SND1: variants seen among roughly 807,000 people sequenced by gnomAD.
The protein encoded by SND1 is staphylococcal nuclease domain-containing protein 1.
In SND1, 38 loss-of-function variants were observed where a neutral mutation model predicts 121.7. The observed-to-expected ratio is 0.31, with a 90% confidence interval of 0.24 to 0.41. The LOEUF (loss-of-function observed/expected upper bound fraction) is 0.41, where lower values mean the gene tolerates loss of function less well. Among genes scored for constraint, SND1 ranks in the 10% least tolerant of loss-of-function variants. SND1 has a pLI of 1.00. For missense variants in SND1, 868 were observed against 1,184.6 expected (o/e 0.73, Z 3.92); for synonymous variants, 401 against 447.4 (o/e 0.90, Z 1.31).
intron 15 of SND1, among the ~76,000 whole-genome samples, chr7:127,976,235 C>G (rs1428530346): frequency 1.3e-5 from 2 of 152,248 alleles, no homozygotes; most frequent in Non-Finnish European, 2.9e-5. Flanking sequence ...CCCTGCCCCA[C>G]CCTTATTAGA....
At chr7:127,719,744 G>A (rs1796456945) in intron 9 of SND1, among the ~76,000 whole-genome samples, 1 of 152,068 alleles carries the variant, frequency 6.6e-6, no homozygotes, top group Admixed American at 6.6e-5. Flanking sequence ...TCTGATTGCT[G>A]GGCTGTTCTT....
chr7:127,720,225 GAAATT>G (rs1472608705), intron 9 of SND1, among the ~76,000 whole-genome samples: 1 of 152,222 alleles, frequency 6.6e-6, no homozygotes, highest in Non-Finnish European at 1.5e-5. Flanking sequence ...AAAGAGGAGG[GAAATT>G]TTGCCAGTCC....
rs1795825493 is a variant in SND1 at position 127,687,027 on chromosome 7, T to G, written c.228+265T>G. Reference sequence around the variant, plus strand: ...TGTTGTGTTTTCACTACTACTTTTCTTGGAATAGTTTAGGAACATTTCCTG... The same window carrying G: ...TGTTGTGTTTTCACTACTACTTTTCGTGGAATAGTTTAGGAACATTTCCTG... On this transcript the variant is annotated intron_variant, in intron 2 of 23. Transcript: ENST00000354725. 9 of 341,836 alleles carry G rather than the reference T, an allele frequency of 2.6e-5. No individual in the cohort carries two copies. The South Asian group carries it at 5.3e-4, about 20-fold the overall frequency. The allele number at this position is 341,836 out of a possible 1,614,324, so 21.2% of individuals were successfully genotyped here.
At chr7:127,701,083 T>C in intron 4 of SND1, 80 bp from the exon 5 acceptor site, 1 of 1,491,874 alleles carries the variant, frequency 6.7e-7, no homozygotes, top group Non-Finnish European at 9.2e-7. Context: ...GTGAAGATGC[T>C]GAAGAAAACC....
intron 9 of SND1, among the ~76,000 whole-genome samples, chr7:127,712,392 C>T (rs879374384): frequency 3.9e-5 from 6 of 152,146 alleles, no homozygotes; most frequent in Non-Finnish European, 8.8e-5. Context: ...CTCCTGGGCT[C>T]AAGTGATCCT....
Position 128,052,094 on chromosome 7 carries a change from C to T in SND1, c.1780-22408C>T, listed in dbSNP as rs1793056458. 6.6e-6 allele frequency among the ~76,000 whole-genome samples: 1 copy of T among 152,150 alleles called. No individual in the cohort carries two copies. Among genetic ancestry groups the T allele is most frequent in the South Asian group, 2.1e-4 (1 of 4,818 alleles). ...ACCGATATCAGAGGTGTAAGGATGA[C>T]ATTTGCTTTGGGGAGGAAGCATTGG... On this transcript the variant is annotated intron_variant, in intron 16 of 23. Transcript: ENST00000354725. This position sits in a 1 kb window ranked among gnomAD's most constrained non-coding sequence, Gnocchi z 4.6.
chr7:127,703,987 G>T (rs1237881050), intron 7 of SND1, among the ~76,000 whole-genome samples: 1 of 152,184 alleles, frequency 6.6e-6, no homozygotes. Context: ...GTAGATCAAT[G>T]ATGAGGAAAC....
At chr7:127,874,393 C>T (rs549014521) in intron 12 of SND1, among the ~76,000 whole-genome samples, 36 of 152,102 alleles carry the variant, frequency 2.4e-4, no homozygotes, top group Non-Finnish European at 4.7e-4. Flanking sequence ...TATGTAATGA[C>T]TGTTATCATT....
At chr7:128,033,761 C>T (rs981597459) in intron 16 of SND1, among the ~76,000 whole-genome samples, 1 of 152,168 alleles carries the variant, frequency 6.6e-6, no homozygotes, top group African/African-American at 2.4e-5. Flanking sequence ...ATGAGTCAAA[C>T]GTTGCCTAGG....
At position 127,898,361 on chromosome 7, in the gene SND1, G is replaced by A. The variant is rs550467061; in HGVS notation, c.1455-6386G>A. ...CTCAATCTTTTCTGTCTTTCTCATC[G>A]GTAATTCTCAATTACATTGAAAATG... On this transcript the variant is annotated intron_variant, in intron 13 of 23. Transcript: ENST00000354725. Among the ~76,000 whole-genome samples the A allele has an allele frequency of 1.4e-4, 21 of 151,978 alleles. 1 individual carries two copies. The South Asian group carries it at 4.2e-3, about 30-fold the overall frequency.
At chr7:127,921,368 T>A (rs546478746) in intron 14 of SND1, among the ~76,000 whole-genome samples, 11 of 152,298 alleles carry the variant, frequency 7.2e-5, no homozygotes, top group African/African-American at 2.6e-4. Context: ...TCTTTTTAAA[T>A]TTTTTAAGTA....
intron 16 of SND1, among the ~76,000 whole-genome samples, chr7:128,012,529 C>T (rs1738959153): frequency 6.6e-6 from 1 of 152,218 alleles, no homozygotes; most frequent in East Asian, 1.9e-4. Context: ...AGGACTGAAA[C>T]TTGTACCTCC....
chr7:127,803,630 A>T (rs773401242), intron 10 of SND1, among the ~76,000 whole-genome samples: 3 of 152,090 alleles, frequency 2.0e-5, no homozygotes, highest in Non-Finnish European at 2.9e-5. Context: ...TCCCAAGGTC[A>T]TTTAGTTTTG....
intron 10 of SND1, among the ~76,000 whole-genome samples, chr7:127,754,683 A>G (rs376105171): frequency 6.6e-6 from 1 of 152,358 alleles, no homozygotes; most frequent in East Asian, 1.9e-4. Flanking sequence ...CTACATGGCC[A>G]AGACCAGCAG....
intron 14 of SND1, among the ~76,000 whole-genome samples, chr7:127,909,251 C>T (rs1382918360): frequency 6.6e-6 from 1 of 152,054 alleles, no homozygotes; most frequent in East Asian, 1.9e-4. Context: ...ATTATGTAGT[C>T]CTGACAGCTC....
chr7:127,938,749 A>G (rs1232912554), intron 15 of SND1, among the ~76,000 whole-genome samples: 12 of 152,258 alleles, frequency 7.9e-5, no homozygotes, highest in Non-Finnish European at 8.8e-5. Context: ...CTCTCCGTCT[A>G]TGCAGGCACA....
intron 16 of SND1, among the ~76,000 whole-genome samples, chr7:128,002,689 C>G (rs1802865090): frequency 6.6e-6 from 1 of 152,218 alleles, no homozygotes; most frequent in Non-Finnish European, 1.5e-5. Context: ...GATGCAGGTC[C>G]TCTGTGACAT....
intron 16 of SND1, among the ~76,000 whole-genome samples, chr7:128,061,996 G>T (rs937274717): frequency 2.0e-5 from 3 of 152,262 alleles, no homozygotes; most frequent in Non-Finnish European, 4.4e-5. Context: ...TCCTTGCTGG[G>T]TTATAATAGG....
At chr7:128,011,881 A>T (rs1227734490) in intron 16 of SND1, among the ~76,000 whole-genome samples, 1 of 152,232 alleles carries the variant, frequency 6.6e-6, no homozygotes, top group African/African-American at 2.4e-5. Flanking sequence ...GGGGATAGAG[A>T]TGAAGCAAAT....
Sources: allele counts gnomAD v4.1 joint callset (sites outside exome capture counted in the v4.1 genomes callset), GRCh38; gene constraint gnomAD v4.1.1; non-coding constraint Gnocchi (gnomAD v3.1); transcripts MANE v1.5; gene names NCBI Gene and HGNC (gene_info 2026-07-23, HGNC 2026-07-21).